Variants in SRPK2 observed in about 807,000 individuals in gnomAD.
SRPK2 encodes the protein SRSF protein kinase 2.
SRPK2 carries 21 observed loss-of-function variants against 90.8 expected under a neutral mutation model. The observed-to-expected ratio is 0.23, with a 90% confidence interval of 0.16 to 0.33. The LOEUF is 0.33. Ranked by LOEUF, SRPK2 falls within the 10% of genes least tolerant of loss-of-function variation. SRPK2 has a pLI of 1.00. For missense variants in SRPK2, 620 were observed against 869.0 expected (o/e 0.71, Z 3.60); for synonymous variants, 288 against 311.1 (o/e 0.93, Z 0.78).
chr7:105,289,531 CTT>C (rs894433735), intron 2 of SRPK2, among the ~76,000 whole-genome samples: 7 of 152,290 alleles, frequency 4.6e-5, no homozygotes, highest in African/African-American at 1.7e-4. Flanking sequence ...AGGAGGATCT[CTT>C]GAGCCCAGGA....
chr7:105,174,875 G>A (rs1027940007), intron 3 of SRPK2, among the ~76,000 whole-genome samples: 4 of 152,178 alleles, frequency 2.6e-5, no homozygotes, highest in African/African-American at 7.2e-5. Flanking sequence ...TGGGCATGGT[G>A]GCTCATGCCT....
intron 2 of SRPK2, among the ~76,000 whole-genome samples, chr7:105,281,324 G>T (rs1807304157): frequency 6.6e-6 from 1 of 152,024 alleles, no homozygotes; most frequent in Non-Finnish European, 1.5e-5. Flanking sequence ...TCAAACTCCT[G>T]ACCTCAAGTG....
rs199888481 is a variant in SRPK2, at chr7:105,370,616, CT to C, written c.71+18031del. ...TTTTTTTAATTAATTTTTTTTCTTT[CT>C]TTTTTTTTTTTTTTTTGAGACAGAC... On this transcript the variant is annotated intron_variant, in intron 2 of 15. Transcript: ENST00000393651. Among the ~76,000 whole-genome samples the C allele has an allele frequency of 5.1e-3, 668 of 129,962 alleles. 9 individuals carry two copies. The East Asian group carries it at 0.062, about 12-fold the overall frequency. The allele number at this position is 129,962 out of a possible 152,430, so 85.3% of individuals were successfully genotyped here.
At chr7:105,257,425 C>T (rs1213205395) in intron 2 of SRPK2, among the ~76,000 whole-genome samples, 1 of 152,226 alleles carries the variant, frequency 6.6e-6, no homozygotes, top group Non-Finnish European at 1.5e-5. Context: ...AGAGGAAGTG[C>T]CACTGCTGAC....
At chr7:105,283,118 C>G (rs555431469) in intron 2 of SRPK2, among the ~76,000 whole-genome samples, 2 of 152,194 alleles carry the variant, frequency 1.3e-5, no homozygotes, top group East Asian at 3.9e-4. Context: ...ACCAAGAGGG[C>G]TATAATCGAA....
intron 2 of SRPK2, among the ~76,000 whole-genome samples, chr7:105,348,410 T>C (rs1816728586): frequency 1.3e-5 from 2 of 150,766 alleles, no homozygotes; most frequent in South Asian, 4.2e-4. Flanking sequence ...AAAATGCCTT[T>C]GAACTTTTTT....
chr7:105,119,837 C>G (rs1393482934), intron 15 of SRPK2, among the ~76,000 whole-genome samples: 1 of 152,090 alleles, frequency 6.6e-6, no homozygotes, highest in Non-Finnish European at 1.5e-5. Flanking sequence ...TATATGTACT[C>G]GCAAAATTAC....
chr7:105,250,017 T>A (rs1360958110), intron 2 of SRPK2, among the ~76,000 whole-genome samples: 1 of 152,184 alleles, frequency 6.6e-6, no homozygotes, highest in African/African-American at 2.4e-5. Context: ...GAGCTAAGCG[T>A]TATTCTACTG....
intron 2 of SRPK2, among the ~76,000 whole-genome samples, chr7:105,245,934 G>A (rs946065095): frequency 1.3e-5 from 2 of 152,094 alleles, no homozygotes; most frequent in Non-Finnish European, 2.9e-5. Flanking sequence ...TTAGGTCACC[G>A]CGAGGCAGGA....
intron 2 of SRPK2, among the ~76,000 whole-genome samples, chr7:105,297,127 G>A (rs1809926982): frequency 6.6e-6 from 1 of 152,100 alleles, no homozygotes; most frequent in Admixed American, 6.6e-5. Context: ...GTAACTCACA[G>A]GTATGATAAA....
chr7:105,245,890 A>G (rs1221577067), intron 2 of SRPK2, among the ~76,000 whole-genome samples: 5 of 152,120 alleles, frequency 3.3e-5, no homozygotes, highest in Non-Finnish European at 5.9e-5. Context: ...AGCTGGAGAC[A>G]CTTTTAAAAA....
At chr7:105,373,101 G>A (rs894982628) in intron 2 of SRPK2, among the ~76,000 whole-genome samples, 5 of 151,962 alleles carry the variant, frequency 3.3e-5, no homozygotes, top group African/African-American at 1.2e-4. Context: ...AAAAAAATCT[G>A]TGGGTCCTAT....
chr7:105,127,627 G>A (rs1363259971), intron 13 of SRPK2, among the ~76,000 whole-genome samples: 1 of 152,198 alleles, frequency 6.6e-6, no homozygotes, highest in Non-Finnish European at 1.5e-5. Flanking sequence ...AGGGCCAGAG[G>A]AAGCAGATGG....
chr7:105,382,868 A>G (rs887980584), intron 2 of SRPK2, among the ~76,000 whole-genome samples: 1 of 152,100 alleles, frequency 6.6e-6, no homozygotes, highest in South Asian at 2.1e-4. Flanking sequence ...AGTGCATGTA[A>G]AACTGATAAA....
At chr7:105,360,550 T>C (rs1029868305) in intron 2 of SRPK2, among the ~76,000 whole-genome samples, 11 of 152,172 alleles carry the variant, frequency 7.2e-5, no homozygotes, top group African/African-American at 2.2e-4. Context: ...CAGGAGCTCT[T>C]GTAAGGCAGG....
intron 2 of SRPK2, among the ~76,000 whole-genome samples, chr7:105,324,488 A>G (rs1005049694): frequency 9.9e-5 from 15 of 152,178 alleles, no homozygotes; most frequent in African/African-American, 2.4e-4. Context: ...ACCAGGCCAG[A>G]CTATTCTTAA....
chr7:105,394,420 C>T lies in SRPK2; in HGVS notation n.153+4736G>A, dbSNP rs570996792. 3.3e-5 allele frequency among the ~76,000 whole-genome samples: 5 copies of T among 152,068 alleles called. No individual in the cohort carries two copies. In the East Asian group the frequency reaches 5.8e-4, roughly 18 times the overall value. ...CCTCTCAAAGTGCTGGGATTACAGG[C>T]GTGAGCCACGCGCCCAGCCAATTTG... On this transcript the variant is annotated intron_variant and non_coding_transcript_variant, in intron 1 of 3. Transcript: ENST00000462282.
Position 105,132,841 on chromosome 7 carries a change from T to C in SRPK2, c.1702A>G (p.Ile568Val), listed in dbSNP as rs1216746880. Residue 568 changes from isoleucine (I) to valine (V), a missense_variant, in exon 13 of 16, where the codon ATA (isoleucine) becomes GTA (valine). Coordinates refer to ENST00000393651, the MANE Select transcript of SRPK2 (RefSeq NM_182692.3). ...GCAGGGGTGCTGTACCCCGCTCCTATTAAAACCTCTATGGAGCGGTACTGA... is the reference window on the plus strand; with the variant it reads ...GCAGGGGTGCTGTACCCCGCTCCTACTAAAACCTCTATGGAGCGGTACTGA... ...TRQYRSIEVL[I>V]GAGYSTPADI... 7 of 1,611,040 alleles carry C rather than the reference T, an allele frequency of 4.3e-6. No homozygotes were observed. The highest frequency in any genetic ancestry group is 1.3e-5 in the African/African-American group (1 of 74,964).
At chr7:105,181,338 T>C (rs185056309) in intron 3 of SRPK2, among the ~76,000 whole-genome samples, 4 of 152,330 alleles carry the variant, frequency 2.6e-5, no homozygotes, top group African/African-American at 9.6e-5. Context: ...AACAGAGTTA[T>C]CATTCGACCC....
Sources: allele counts gnomAD v4.1 joint callset (sites outside exome capture counted in the v4.1 genomes callset), GRCh38; gene constraint gnomAD v4.1.1; transcripts MANE v1.5; gene names NCBI Gene and HGNC (gene_info 2026-07-23, HGNC 2026-07-21).